The following ROBO2 variants were observed in gnomAD, a reference collection of about 807,000 sequenced individuals.
The protein encoded by ROBO2 is roundabout homolog 2.
A neutral mutation model predicts 160.8 loss-of-function variants in ROBO2; 53 were observed. That is an observed-to-expected ratio of 0.33 (90% confidence interval 0.26 to 0.41). The LOEUF (loss-of-function observed/expected upper bound fraction) is 0.41. ROBO2 is among the 10% of genes least tolerant of loss of function. The pLI is 1.00. For synonymous variants in ROBO2, 664 were observed against 611.7 expected, an observed-to-expected ratio of 1.09 and a Z score of -1.26; for missense variants, 1,577 against 1,722.4, an observed-to-expected ratio of 0.92 and a Z score of 1.49.
At chr3:77,241,077 C>T (rs181508697) in intron 2 of ROBO2, among the ~76,000 whole-genome samples, 1 of 152,136 alleles carries the variant, frequency 6.6e-6, no homozygotes, top group Non-Finnish European at 1.5e-5. Flanking sequence ...TCTTGATAAA[C>T]AGTTTTGATG....
At chr3:76,871,283 G>A (rs1049895318) in intron 2 of ROBO2, among the ~76,000 whole-genome samples, 9 of 152,040 alleles carry the variant, frequency 5.9e-5, no homozygotes, top group Non-Finnish European at 1.3e-4. Context: ...GGCCGGGCGC[G>A]GTGGCTCACG....
At chr3:77,429,611 GGT>G (rs1491306483) in intron 2 of ROBO2, among the ~76,000 whole-genome samples, 2 of 94,776 alleles carry the variant, frequency 2.1e-5, no homozygotes, top group Admixed American at 9.4e-5. Context: ...TAAAAAGCAG[GGT>G]TTTTTTTTTT....
intron 16 of ROBO2, among the ~76,000 whole-genome samples, chr3:77,581,305 C>A (rs894991022): frequency 1.3e-5 from 2 of 152,038 alleles, no homozygotes; most frequent in Non-Finnish European, 2.9e-5. Flanking sequence ...ATTTGATGAA[C>A]AAAAGTATTA....
At chr3:77,604,668 T>C (rs1313041110) in intron 20 of ROBO2, among the ~76,000 whole-genome samples, 4 of 152,272 alleles carry the variant, frequency 2.6e-5, no homozygotes, top group Admixed American at 1.3e-4. Flanking sequence ...TTATTCTCTT[T>C]TTAGTTTAGT....
At chr3:76,131,657 T>C (rs17013860) in intron 2 of ROBO2, among the ~76,000 whole-genome samples, 6,472 of 152,160 alleles carry the variant, frequency 0.043, 267 homozygotes, top group East Asian at 0.13. Flanking sequence ...GCAGAGCAGA[T>C]GTGATTTTAT....
In ROBO2 at chr3:76,071,267, CA is replaced by C. The variant is rs552817319; in HGVS notation, c.109+133669del. ...GTCAAAACTGTTCTTTGGATTCCCA[CA>C]AAACACTTTTGGAGTTAGAATTTTC... On this transcript the variant is annotated intron_variant, in intron 2 of 26. Transcript: ENST00000487694. Among the ~76,000 whole-genome samples the C allele has an allele frequency of 1.4e-4, 21 of 152,258 alleles. 1 individual carries two copies. The South Asian group carries it at 4.4e-3, about 32-fold the overall frequency.
At chr3:76,778,497 C>A (rs1037489844) in intron 2 of ROBO2, among the ~76,000 whole-genome samples, 2 of 150,946 alleles carry the variant, frequency 1.3e-5, no homozygotes, top group Non-Finnish European at 3.0e-5. Flanking sequence ...ATGATGAACA[C>A]ATAACAGGAA....
chr3:76,261,202 G>GTATATA (rs796253150), intron 2 of ROBO2, among the ~76,000 whole-genome samples: 3 of 67,218 alleles, frequency 4.5e-5, no homozygotes, highest in African/African-American at 1.0e-4. Flanking sequence ...GTGTGTGTGT[G>GTATATA]TATATATATA....
intron 2 of ROBO2, among the ~76,000 whole-genome samples, chr3:76,033,455 G>A (rs143427868): frequency 0.012 from 1,878 of 152,244 alleles, 19 homozygotes; most frequent in Middle Eastern, 0.027. Flanking sequence ...CTACTGTGGT[G>A]TTTCCTCTGA....
intron 2 of ROBO2, among the ~76,000 whole-genome samples, chr3:76,398,526 C>T (rs905015890): frequency 2.0e-5 from 3 of 151,564 alleles, no homozygotes; most frequent in Non-Finnish European, 3.0e-5. Flanking sequence ...GTATTAGTTA[C>T]GATCTTCCCC....
intron 2 of ROBO2, among the ~76,000 whole-genome samples, chr3:76,665,948 TATATA>T (rs2092010896): frequency 2.5e-5 from 3 of 121,962 alleles, no homozygotes; most frequent in Non-Finnish European, 5.5e-5. Flanking sequence ...TAATATATTA[TATATA>T]ATATATACAT....
intron 2 of ROBO2, among the ~76,000 whole-genome samples, chr3:77,256,971 T>C (rs1257200261): frequency 6.6e-6 from 1 of 152,184 alleles, no homozygotes; most frequent in Non-Finnish European, 1.5e-5. Context: ...TCCTATGTGG[T>C]GGACACCTGG....
intron 2 of ROBO2, among the ~76,000 whole-genome samples, chr3:76,412,128 A>G (rs2075518632): frequency 6.6e-6 from 1 of 152,162 alleles, no homozygotes; most frequent in African/African-American, 2.4e-5. Flanking sequence ...GGAAGAAGCA[A>G]AAGCAGAAAC....
intron 2 of ROBO2, among the ~76,000 whole-genome samples, chr3:76,229,027 A>C (rs1428624801): frequency 6.6e-6 from 1 of 152,202 alleles, no homozygotes; most frequent in African/African-American, 2.4e-5. Flanking sequence ...CCTCTCTTAA[A>C]AAAGAAAAGA....
intron 2 of ROBO2, among the ~76,000 whole-genome samples, chr3:76,006,895 T>G (rs960909829): frequency 1.3e-5 from 2 of 152,120 alleles, no homozygotes; most frequent in Non-Finnish European, 2.9e-5. Flanking sequence ...TCAAGTAAGT[T>G]ATAGTGGTTT....
At chr3:77,374,868 A>T (rs1020775974) in intron 2 of ROBO2, among the ~76,000 whole-genome samples, 3 of 152,214 alleles carry the variant, frequency 2.0e-5, no homozygotes, top group African/African-American at 4.8e-5. Context: ...ATAAAAAGAT[A>T]TTTTAAAATA....
intron 1 of ROBO2, chr3:77,092,008 T>C (rs1380349467): frequency 6.7e-6 from 1 of 149,854 alleles, no homozygotes; most frequent in East Asian, 1.9e-4. Context: ...AATAAATAAA[T>C]AAATAAATAA....
intron 2 of ROBO2, among the ~76,000 whole-genome samples, chr3:76,368,735 A>G (rs1209039621): frequency 6.6e-6 from 1 of 151,982 alleles, no homozygotes; most frequent in Non-Finnish European, 1.5e-5. Context: ...TAGAATATAC[A>G]TTCCTTGTAT....
intron 2 of ROBO2, among the ~76,000 whole-genome samples, chr3:75,945,098 T>C (rs535700242): frequency 6.6e-6 from 1 of 152,286 alleles, no homozygotes; most frequent in South Asian, 2.1e-4. Flanking sequence ...AAATTACTTA[T>C]GAAGTGTTTA....
Sources: allele counts gnomAD v4.1 joint callset (sites outside exome capture counted in the v4.1 genomes callset), GRCh38; gene constraint gnomAD v4.1.1; transcripts MANE v1.5; gene names NCBI Gene and HGNC (gene_info 2026-07-23, HGNC 2026-07-21).